The following DSCAML1 variants were observed in gnomAD, a reference collection of about 807,000 sequenced individuals.
DSCAML1 encodes DS cell adhesion molecule like 1, also known as cell adhesion molecule DSCAML1.
In DSCAML1, 38 loss-of-function variants were observed where a neutral mutation model predicts 200.5. The observed-to-expected ratio is 0.19, with a 90% confidence interval of 0.15 to 0.25. The LOEUF (loss-of-function observed/expected upper bound fraction) is 0.25, where lower values mean the gene tolerates loss of function less well. Among genes scored for constraint, DSCAML1 ranks in the 10% least tolerant of loss-of-function variants. The pLI, the probability that DSCAML1 is intolerant of heterozygous loss-of-function variation, is 1.00. For missense variants in DSCAML1, 2,223 were observed against 2,858.8 expected (o/e 0.78, Z 5.07); for synonymous variants, 1,215 against 1,165.0 (o/e 1.04, Z -0.87).
chr11:117,802,460 C>T (rs768255081), intron 1 of DSCAML1, among the ~76,000 whole-genome samples: 3 of 152,212 alleles, frequency 2.0e-5, no homozygotes, highest in Non-Finnish European at 2.9e-5. Flanking sequence ...TCTAGGGGTA[C>T]ACTCAGTAAG....
chr11:117,452,087 G>T (rs184792216), intron 19 of DSCAML1, among the ~76,000 whole-genome samples: 273 of 152,290 alleles, frequency 1.8e-3, no homozygotes, highest in Admixed American at 4.0e-3. Flanking sequence ...ACTTCTGCTG[G>T]ATGTCTCTGC....
chr11:117,725,957 C>A lies in DSCAML1; in HGVS notation c.511+50834G>T, dbSNP rs139737304. Among the ~76,000 whole-genome samples the A allele has an allele frequency of 5.1e-3, 775 of 152,328 alleles. 7 individuals are homozygous for A. Among genetic ancestry groups the A allele is most frequent in the African/African-American group, 0.018 (735 of 41,574 alleles). On this transcript the variant is annotated intron_variant, in intron 3 of 32. Coordinates refer to ENST00000651296, the MANE Select transcript of DSCAML1 (RefSeq NM_020693.4). ...CTCCAGCTGGGCCCTACCCACAGGT[C>A]CCATGCACTCCCCACCATATTGAGT... is the stretch of plus-strand genomic sequence containing the variant.
chr11:117,442,222 T>C (rs961500982), intron 21 of DSCAML1, among the ~76,000 whole-genome samples: 1 of 131,828 alleles, frequency 7.6e-6, no homozygotes, highest in African/African-American at 2.8e-5. Context: ...TTAGTGTGTC[T>C]AGTGTGTGTG....
rs545831053 is a variant in DSCAML1 at position 117,451,152 on chromosome 11, A to T, written c.3569-464T>A. Among the ~76,000 whole-genome samples the T allele has an allele frequency of 7.2e-5, 11 of 152,248 alleles. No individual in the cohort carries two copies. The South Asian group carries it at 2.3e-3, about 32-fold the overall frequency. On this transcript the variant is annotated intron_variant, in intron 19 of 32. Transcript: ENST00000651296. ...CTGTTTTCTGGCATGAGCCCAGGGC[A>T]TTGCCCTTGGAGTGCTGGCTGGGCC...
At chr11:117,785,617 C>T (rs2134062034) in intron 1 of DSCAML1, among the ~76,000 whole-genome samples, 2 of 152,244 alleles carry the variant, frequency 1.3e-5, no homozygotes, top group Admixed American at 1.3e-4. Flanking sequence ...TTTGAGGGTC[C>T]AGCAGTCCCC....
At chr11:117,700,307 A>G (rs190541537) in intron 3 of DSCAML1, among the ~76,000 whole-genome samples, 86 of 152,314 alleles carry the variant, frequency 5.6e-4, no homozygotes, top group Admixed American at 1.0e-3. Context: ...AGGTTCAGAG[A>G]AGTCTACTAC....
intron 3 of DSCAML1, among the ~76,000 whole-genome samples, chr11:117,575,020 G>A (rs939052271): frequency 2.6e-5 from 4 of 152,062 alleles, no homozygotes; most frequent in African/African-American, 4.8e-5. Context: ...GTGAAACCCC[G>A]TCTCTACTAA....
chr11:117,603,482 T>C (rs1025579774), intron 3 of DSCAML1, among the ~76,000 whole-genome samples: 4 of 152,206 alleles, frequency 2.6e-5, no homozygotes, highest in African/African-American at 9.6e-5. Context: ...ATCTGTAAAA[T>C]GGTGATAGTG....
Position 117,516,862 on chromosome 11 carries a change from C to T in DSCAML1, c.1511-123G>A, listed in dbSNP as rs958773695. On this transcript the variant is annotated intron_variant, in intron 7 of 32. Coordinates refer to ENST00000651296, the MANE Select transcript of DSCAML1 (RefSeq NM_020693.4). The surrounding 1 kb of genome is among the most constrained non-coding windows in gnomAD (Gnocchi z 5.7). ...ACTCGGCCCCTGAGACTTTCGGGGG[C>T]GGACATTTGGTGGGGGCACAGGGAT... 4.8e-5 allele frequency: 60 copies of T among 1,250,118 alleles called. No individual in the cohort carries two copies. The highest frequency in any genetic ancestry group is 1.3e-4 in the Admixed American group (5 of 38,024). 77.4% of individuals were successfully genotyped at this position (1,250,118 alleles called of 1,614,324 possible).
intron 1 of DSCAML1, among the ~76,000 whole-genome samples, chr11:117,809,920 C>G (rs1400204999): frequency 6.6e-6 from 1 of 151,296 alleles, no homozygotes; most frequent in African/African-American, 2.4e-5. Context: ...CACATTCACA[C>G]ATTCACACAC....
chr11:117,569,062 G>A (rs1290604703), intron 3 of DSCAML1, among the ~76,000 whole-genome samples: 7 of 152,198 alleles, frequency 4.6e-5, no homozygotes, highest in Admixed American at 2.0e-4. Context: ...CAGAAATAAC[G>A]CCGCATATCT....
intron 8 of DSCAML1, among the ~76,000 whole-genome samples, chr11:117,509,814 C>T (rs1047099304): frequency 3.9e-5 from 6 of 152,214 alleles, no homozygotes; most frequent in South Asian, 2.1e-4. Context: ...GCCATCCTCC[C>T]GGAGGTGGGG....
chr11:117,522,846 GGAGAGGCTGTA>G (rs1377099565), intron 5 of DSCAML1, among the ~76,000 whole-genome samples: 1 of 152,154 alleles, frequency 6.6e-6, no homozygotes, highest in East Asian at 1.9e-4. Flanking sequence ...AACCTGGCAG[GGAGAGGCTGTA>G]GAGAGGCTGG....
intron 1 of DSCAML1, among the ~76,000 whole-genome samples, chr11:117,803,550 G>A (rs374101645): frequency 6.6e-6 from 1 of 151,408 alleles, no homozygotes; most frequent in Non-Finnish European, 1.5e-5. Flanking sequence ...ATCTAATTTT[G>A]TATTCATAAT....
intron 21 of DSCAML1, among the ~76,000 whole-genome samples, chr11:117,442,144 T>C (rs1373945936): frequency 6.6e-6 from 1 of 152,116 alleles, no homozygotes; most frequent in East Asian, 1.9e-4. Flanking sequence ...TGCATGTGTG[T>C]ATGCGTGTGT....
chr11:117,803,864 T>C (rs1453531610), intron 1 of DSCAML1, among the ~76,000 whole-genome samples: 1 of 152,252 alleles, frequency 6.6e-6, no homozygotes, highest in Non-Finnish European at 1.5e-5. Context: ...ATGAAAGTTC[T>C]CTTCCTAGAA....
intron 22 of DSCAML1, 118 bp downstream of exon 22, chr11:117,439,701 T>C: frequency 1.0e-6 from 1 of 1,004,886 alleles, no homozygotes; most frequent in African/African-American, 1.6e-5. Context: ...GCAGGGCCTC[T>C]GCAGGCCTGG....
In DSCAML1 at chr11:117,507,711, CCTT is replaced by C. The variant is rs756526332; in HGVS notation, c.1784-1982_1784-1980del. 4.3e-4 allele frequency among the ~76,000 whole-genome samples: 65 copies of C among 152,208 alleles called. 1 individual carries two copies. Among genetic ancestry groups the C allele is most frequent in the Non-Finnish European group, 7.5e-4 (51 of 68,044 alleles). On this transcript the variant is annotated intron_variant, in intron 8 of 32. Coordinates refer to ENST00000651296, the MANE Select transcript of DSCAML1 (RefSeq NM_020693.4). The stretch of plus-strand genomic sequence containing the variant: ...CGAGTGAACACCACTGGGCATCTGT[CCTT>C]CTCATCCCCAAGCACATGGGCTCCT...
chr11:117,506,732 G>T (rs1565748753), intron 8 of DSCAML1, among the ~76,000 whole-genome samples: 1 of 149,140 alleles, frequency 6.7e-6, no homozygotes, highest in Non-Finnish European at 1.5e-5. Context: ...TTTTTTTTAA[G>T]AGACAGGTGT....
Sources: allele counts gnomAD v4.1 joint callset (sites outside exome capture counted in the v4.1 genomes callset), GRCh38; gene constraint gnomAD v4.1.1; non-coding constraint Gnocchi (gnomAD v3.1); transcripts MANE v1.5; gene names NCBI Gene and HGNC (gene_info 2026-07-23, HGNC 2026-07-21).